Variants in KRT34 observed in about 807,000 individuals in gnomAD.
KRT34 encodes the protein keratin 34, also known as keratin, type I cuticular Ha4.
Under a neutral mutation model 41.7 loss-of-function variants are expected in KRT34, and 31 were observed. That is an observed-to-expected ratio of 0.74 (90% CI 0.56 to 1.00). The LOEUF (loss-of-function observed/expected upper bound fraction) is 1.00, where lower values mean the gene tolerates loss of function less well. KRT34 is among the 50% of genes least tolerant of loss of function. KRT34 has a pLI of 0.00. For missense variants in KRT34, 523 were observed against 500.3 expected, an observed-to-expected ratio of 1.05 and a Z score of -0.43; for synonymous variants, 224 against 212.9, an observed-to-expected ratio of 1.05 and a Z score of -0.45.
rs764436691 is a variant in KRT34 at position 41,382,138 on chromosome 17, T to C, written c.109A>G (p.Ile37Val). The change falls in exon 1 of 7, where the codon ATC becomes GTC. Residue 37 changes from isoleucine (I) to valine (V), a missense_variant. Coordinates refer to ENST00000394001, the MANE Select transcript of KRT34 (RefSeq NM_001386014.1). ...HGYTLPGACN[I>V]PANVSNCNWF... The stretch of plus-strand genomic sequence containing the variant: ...TTGCAGTTGCTCACATTGGCGGGGA[T>C]GTTGCAGGCCCCAGGCAGGGTGTAG... 6.2e-7 allele frequency: 1 copy of C among 1,612,406 alleles called. No individual in the cohort carries two copies. Among genetic ancestry groups the C allele is most frequent in the Non-Finnish European group, 8.5e-7 (1 of 1,180,034 alleles).
intron 4 of KRT34, 35 bp from the exon 5 acceptor site, chr17:41,379,513 G>T: frequency 6.2e-7 from 1 of 1,614,146 alleles, no homozygotes. Flanking sequence ...ATCAGACCCT[G>T]TCTCCAGGGC....
chr17:41,381,918 AT>A lies in KRT34; in HGVS notation c.328del (p.Ile110LeufsTer20). 1 of 1,614,174 alleles carries A rather than the reference AT, an allele frequency of 6.2e-7. No homozygotes were observed. Among genetic ancestry groups the A allele is most frequent in the Non-Finnish European group, 8.5e-7 (1 of 1,179,994 alleles). On this transcript the variant is annotated frameshift_variant, in exon 1 of 7. Transcript: ENST00000394001. LOFTEE classifies it high-confidence loss of function. ...CPSYQSYFKT[I>X]EELQQKILCA... is the part of the protein sequence containing the mutation. ...CCTCACCTTCTGCTGGAGCTCCTCA[AT>A]GGTCTTGAAGTAGGACTGGTAGCTG...
rs758212936 is a variant in KRT34 at position 41,379,476 on chromosome 17, G to C, written c.753C>G (p.Thr251=). The change falls in exon 5 of 7, where the codon ACC becomes ACG. Residue 251 remains threonine, a splice_region_variant and synonymous_variant. Transcript: ENST00000394001. ...ATACCACCTGCTTGTTCAGCTCCTC[G>C]GTCTGAAACACCCAAGTGGGGAAAG... ...REVEQWFATQ[T]EELNKQVVSS... The C allele has an allele frequency of 3.1e-6, 5 of 1,614,070 alleles. No homozygotes were observed. The highest frequency in any genetic ancestry group is 1.1e-5 in the South Asian group (1 of 91,084).
At chr17:41,380,870 C>A (rs2017965115) in intron 3 of KRT34, among the ~76,000 whole-genome samples, 186 bp downstream of exon 3, 1 of 152,190 alleles carries the variant, frequency 6.6e-6, no homozygotes, top group African/African-American at 2.4e-5. Flanking sequence ...CTAACCCTCA[C>A]CCAGCCGCTG....
upstream of KRT34, among the ~76,000 whole-genome samples, chr17:41,383,555 A>G (rs187010694): frequency 1.9e-3 from 283 of 152,350 alleles, no homozygotes; most frequent in Admixed American, 3.0e-3. Context: ...GTGAGAGTTC[A>G]GATGGCAGCA....
At chr17:41,380,641 G>A (rs143298704) in intron 3 of KRT34, among the ~76,000 whole-genome samples, 1 of 152,282 alleles carries the variant, frequency 6.6e-6, no homozygotes, top group Non-Finnish European at 1.5e-5. Flanking sequence ...CATACTGCTT[G>A]TACATCTCAT....
At chr17:41,383,521 A>C (rs960205976), upstream of KRT34, among the ~76,000 whole-genome samples, 1 of 152,204 alleles carries the variant, frequency 6.6e-6, no homozygotes, top group African/African-American at 2.4e-5. Context: ...AGAAGAAAAA[A>C]TATGCTGGAA....
Position 41,381,149 on chromosome 17 carries a change from G to C in KRT34, c.495C>G (p.Ile165Met), listed in dbSNP as rs267604864. 1 of 1,614,096 alleles carries C rather than the reference G, an allele frequency of 6.2e-7. No individual in the cohort carries two copies. The highest frequency in any genetic ancestry group is 8.5e-7 in the Non-Finnish European group (1 of 1,179,988). ...VESDINSIRR[I>M]LDELTLCKSD... is the part of the protein sequence containing the mutation. The stretch of plus-strand genomic sequence containing the variant: ...ACTTGCAGAGGGTCAGCTCATCCAG[G>C]ATCCTGCGTATGCTGTTGATGTCCG... Residue 165 changes from isoleucine to methionine, a missense_variant, in exon 3 of 7, where the codon ATC (isoleucine) becomes ATG (methionine). By Grantham distance (10) the Ile-to-Met change is conservative (BLOSUM62 1). Coordinates refer to ENST00000394001, the MANE Select transcript of KRT34 (RefSeq NM_001386014.1).
At chr17:41,378,263 T>G in intron 6 of KRT34, 117 bp from the exon 7 acceptor site, 1 of 739,394 alleles carries the variant, frequency 1.4e-6, no homozygotes, top group Middle Eastern at 2.4e-4. Flanking sequence ...TGGAATCAAG[T>G]TCTTTTTGTT....
intron 4 of KRT34, 27 bp downstream of exon 4, chr17:41,379,543 T>C: frequency 6.2e-7 from 1 of 1,613,872 alleles, no homozygotes; most frequent in Non-Finnish European, 8.5e-7. Context: ...CCTCGGGTCC[T>C]GAGTGGCCAT....
At position 41,381,212 on chromosome 17, in the gene KRT34, C is replaced by A; in HGVS notation, c.432G>T (p.Lys144Asn). 2 of 1,612,768 alleles carry A rather than the reference C, an allele frequency of 1.2e-6. No homozygotes were observed. Among genetic ancestry groups the A allele is most frequent in the African/African-American group, 1.3e-5 (1 of 74,990 alleles). The change falls in exon 3 of 7, where the codon AAG (lysine) becomes AAT (asparagine). Residue 144 changes from lysine to asparagine, a missense_variant and splice_region_variant. Lys to Asn is a moderately conservative substitution (Grantham distance 94). Coordinates refer to ENST00000394001, the MANE Select transcript of KRT34 (RefSeq NM_001386014.1). ...AKLASDDFRS[K>N]YQTEQSLRLL... ...GCCTCAGGGACTGCTCCGTCTGGTA[C>A]CTGCACGTGTCGGAGTGGGAGGATA...
At position 41,379,372 on chromosome 17, in the gene KRT34, A is replaced by T; in HGVS notation, c.857T>A (p.Leu286Gln). 2.5e-6 allele frequency: 4 copies of T among 1,613,246 alleles called. No individual in the cohort carries two copies. The highest frequency in any genetic ancestry group is 3.4e-6 in the Non-Finnish European group (4 of 1,180,022). ...RRTVNALEIE[L>Q]QAQHNLRDSL... ...ACACACCAGGTTGTGCTGGGCCTGCAGCTCGATCTCCAGGGCGTTGACTGT... is the reference window on the plus strand; with the variant it reads ...ACACACCAGGTTGTGCTGGGCCTGCTGCTCGATCTCCAGGGCGTTGACTGT... Residue 286 changes from leucine to glutamine, a missense_variant, in exon 5 of 7, where the codon CTG (leucine) becomes CAG (glutamine). Coordinates refer to ENST00000394001, the MANE Select transcript of KRT34 (RefSeq NM_001386014.1).
upstream of KRT34, among the ~76,000 whole-genome samples, chr17:41,383,115 G>A (rs2018029271): frequency 6.6e-6 from 1 of 151,920 alleles, no homozygotes; most frequent in South Asian, 2.1e-4. Context: ...CACCTCCCGG[G>A]TTCAAGCAAT....
chr17:41,381,644 C>A, intron 2 of KRT34, 69 bp downstream of exon 2: 1 of 1,366,786 alleles, frequency 7.3e-7, no homozygotes, highest in Non-Finnish European at 1.0e-6. Flanking sequence ...TGGCTTTCTC[C>A]TCTCTTCCAG....
chr17:41,383,121 G>A (rs1248393212), upstream of KRT34, among the ~76,000 whole-genome samples: 2 of 151,824 alleles, frequency 1.3e-5, no homozygotes, highest in African/African-American at 4.8e-5. Context: ...CCGGGTTCAA[G>A]CAATTATCTG....
At position 41,378,031 on chromosome 17, in the gene KRT34, A is replaced by T. The variant is rs1375266798; in HGVS notation, c.*28T>A. 1 of 1,549,486 alleles carries T rather than the reference A, an allele frequency of 6.5e-7. No individual in the cohort carries two copies. On this transcript the variant is annotated 3_prime_UTR_variant, in exon 7 of 7. Coordinates refer to ENST00000394001, the MANE Select transcript of KRT34 (RefSeq NM_001386014.1). The stretch of plus-strand genomic sequence containing the variant: ...CTGTGGTTGATCTAAATGGCTTTGT[A>T]GATGTCTTCAAAGAGGATACAAGCT...
At chr17:41,378,185 G>A in intron 6 of KRT34, 39 bp from the exon 7 acceptor site, 2 of 1,342,508 alleles carry the variant, frequency 1.5e-6, no homozygotes, top group Non-Finnish European at 2.1e-6. Context: ...TTTAGGAGGA[G>A]GTTTTAATGC....
chr17:41,378,458 T>C (rs1258098025), intron 6 of KRT34, among the ~76,000 whole-genome samples: 1 of 152,062 alleles, frequency 6.6e-6, no homozygotes, highest in Non-Finnish European at 1.5e-5. Flanking sequence ...CCTGGCTAAT[T>C]TTTTGTATTT....
At chr17:41,379,820 G>A (rs746047981) in intron 3 of KRT34, 89 bp from the exon 4 acceptor site, 2 of 1,331,956 alleles carry the variant, frequency 1.5e-6, no homozygotes, top group African/African-American at 1.5e-5. Context: ...TGCCCAAAAA[G>A]CACTAAAAGG....
Sources: allele counts gnomAD v4.1 joint callset (sites outside exome capture counted in the v4.1 genomes callset), GRCh38; gene constraint gnomAD v4.1.1; transcripts MANE v1.5; gene names NCBI Gene and HGNC (gene_info 2026-07-23, HGNC 2026-07-21).